The following SHISA6 variants were observed in gnomAD, a reference collection of about 807,000 sequenced individuals.
SHISA6 encodes the protein shisa family member 6, also known as protein shisa-6.
SHISA6 carries 22 observed loss-of-function variants against 47.9 expected under a neutral mutation model. The ratio of observed to expected loss-of-function variants is 0.46; its 90% CI spans 0.33 to 0.66. The LOEUF (loss-of-function observed/expected upper bound fraction) is 0.66, where lower values mean the gene tolerates loss of function less well. Ranked by LOEUF, SHISA6 falls within the 30% of genes least tolerant of loss-of-function variation. The pLI is 0.02. For missense variants in SHISA6, 680 were observed against 764.6 expected, an observed-to-expected ratio of 0.89 and a Z score of 1.30; for synonymous variants, 388 against 337.8, an observed-to-expected ratio of 1.15 and a Z score of -1.63.
Position 11,557,991 on chromosome 17 carries a change from C to A in SHISA6, c.1343C>A (p.Ser448Tyr). The change falls in exon 6 of 6, where the codon TCC becomes TAC. Residue 448 changes from serine to tyrosine, a missense_variant. Ser to Tyr is a moderately radical substitution (Grantham distance 144). Around this residue, in one of 2 missense-constraint regions of SHISA6, gnomAD observed 559 missense variants for 674.1 expected, o/e 0.83. Coordinates refer to ENST00000441885, the MANE Select transcript of SHISA6 (RefSeq NM_207386.4). ...DRILSDEQLLSTERLHSQDPL... is the reference protein window; with the variant it reads ...DRILSDEQLLYTERLHSQDPL... The stretch of plus-strand genomic sequence containing the variant: ...ATCCTGTCCGACGAGCAGCTGCTCT[C>A]CACGGAGCGCCTGCACTCCCAGGAC... The A allele has an allele frequency of 1.9e-6, 3 of 1,551,414 alleles. No homozygotes were observed. Among genetic ancestry groups the A allele is most frequent in the African/African-American group, 2.7e-5 (2 of 73,162 alleles).
intron 2 of SHISA6, among the ~76,000 whole-genome samples, chr17:11,276,435 A>G (rs1908894582): frequency 1.3e-5 from 2 of 152,162 alleles, no homozygotes; most frequent in Admixed American, 1.3e-4. Context: ...TATTTTTCTT[A>G]ACTTGTTATT....
chr17:11,473,246 G>C (rs924547090), intron 3 of SHISA6, among the ~76,000 whole-genome samples: 1 of 151,902 alleles, frequency 6.6e-6, no homozygotes. Context: ...GGTCATCTAG[G>C]TTTTCTCCTA....
rs1394681337 is a variant in SHISA6, at chr17:11,277,331, G to A, written c.799+13805G>A. Among the ~76,000 whole-genome samples the A allele has an allele frequency of 2.4e-4, 30 of 123,550 alleles. 1 individual carries two copies. The highest frequency in any genetic ancestry group is 1.8e-3 in the Admixed American group (21 of 11,506). 81.1% of individuals were successfully genotyped at this position (123,550 alleles called of 152,430 possible). A position where few individuals can be genotyped will look rare whatever the true frequency, so the allele number is the denominator to read the frequency against. The stretch of plus-strand genomic sequence containing the variant: ...ACACACACACACACCCCGCATGTAC[G>A]TATACAGACTTTCTTCTCCCAGAGA... On this transcript the variant is annotated intron_variant, in intron 2 of 5. Coordinates refer to ENST00000441885, the MANE Select transcript of SHISA6 (RefSeq NM_207386.4).
intron 2 of SHISA6, among the ~76,000 whole-genome samples, chr17:11,292,743 T>G (rs1909597112): frequency 6.6e-6 from 1 of 151,270 alleles, no homozygotes; most frequent in Admixed American, 6.6e-5. Context: ...TCCGGTGGGA[T>G]ACATAAACTT....
chr17:11,528,616 G>T (rs1350964987), intron 3 of SHISA6, among the ~76,000 whole-genome samples: 1 of 152,134 alleles, frequency 6.6e-6, no homozygotes. Context: ...CTGAGACACA[G>T]ACACTGGGTG....
chr17:11,541,748 T>C (rs1167082400), intron 3 of SHISA6, among the ~76,000 whole-genome samples: 1 of 152,178 alleles, frequency 6.6e-6, no homozygotes, highest in Admixed American at 6.5e-5. Context: ...GCCTTTAAGC[T>C]ACCCAGGGAG....
Position 11,551,750 on chromosome 17 carries a change from G to T in SHISA6, c.896-146G>T, listed in dbSNP as rs2071933633. The T allele has an allele frequency of 4.4e-6, 3 of 675,260 alleles. 1 individual carries two copies. The Admixed American group carries it at 8.1e-5, about 18-fold the overall frequency. The allele number at this position is 675,260 out of a possible 1,614,324, so 41.8% of individuals were successfully genotyped here. ...GAAACAGCAGGGGACGTTTCTTGGA[G>T]CCTCATACAATGACCTCTGCCTTTC... On this transcript the variant is annotated intron_variant, in intron 3 of 5. Transcript: ENST00000441885.
chr17:11,397,516 A>T (rs1173153335), intron 3 of SHISA6, among the ~76,000 whole-genome samples: 1 of 151,786 alleles, frequency 6.6e-6, no homozygotes, highest in Non-Finnish European at 1.5e-5. Flanking sequence ...TTGCTCAAGT[A>T]GGGCTTGTGG....
chr17:11,277,340 C>T (rs534980501), intron 2 of SHISA6, among the ~76,000 whole-genome samples: 1 of 149,200 alleles, frequency 6.7e-6, no homozygotes, highest in South Asian at 2.2e-4. Context: ...CGTATACAGA[C>T]TTTCTTCTCC....
At chr17:11,435,067 ATTAG>A (rs1368113351) in intron 3 of SHISA6, among the ~76,000 whole-genome samples, 1 of 152,106 alleles carries the variant, frequency 6.6e-6, no homozygotes, top group African/African-American at 2.4e-5. Context: ...TAATAATGGG[ATTAG>A]TGTCTTAAAA....
At chr17:11,301,251 G>A (rs1909917132) in intron 2 of SHISA6, among the ~76,000 whole-genome samples, 1 of 152,090 alleles carries the variant, frequency 6.6e-6, no homozygotes, top group Admixed American at 6.5e-5. Context: ...TCAAGTTGAA[G>A]TTGCACTGTT....
At chr17:11,397,596 G>A (rs182788663) in intron 3 of SHISA6, among the ~76,000 whole-genome samples, 23 of 151,970 alleles carry the variant, frequency 1.5e-4, no homozygotes, top group Admixed American at 1.4e-3. Flanking sequence ...AAGGCAATCT[G>A]CCTGGTTTTG....
intron 3 of SHISA6, among the ~76,000 whole-genome samples, chr17:11,523,439 G>A (rs1255616517): frequency 1.3e-5 from 2 of 152,166 alleles, no homozygotes; most frequent in African/African-American, 2.4e-5. Context: ...CTGTGAGCCA[G>A]GGAGATAGAT....
Position 11,558,626 on chromosome 17 carries a change from C to T in SHISA6, c.*322C>T. 2.6e-6 allele frequency: 1 copy of T among 390,536 alleles called. No homozygotes were observed. The highest frequency in any genetic ancestry group is 4.7e-6 in the Non-Finnish European group (1 of 211,836). The allele number at this position is 390,536 out of a possible 1,614,324, so 24.2% of individuals were successfully genotyped here. ...CTTTCCGTCCCGCGCCTCCTTCTCCCCATCCGGGGGACTCAGCTGCAGGTT... is the reference window on the plus strand; with the variant it reads ...CTTTCCGTCCCGCGCCTCCTTCTCCTCATCCGGGGGACTCAGCTGCAGGTT... On this transcript the variant is annotated 3_prime_UTR_variant, in exon 6 of 6. Transcript: ENST00000441885.
intron 3 of SHISA6, among the ~76,000 whole-genome samples, chr17:11,500,094 TGAGAA>T (rs2071439229): frequency 6.6e-6 from 1 of 151,910 alleles, no homozygotes; most frequent in Non-Finnish European, 1.5e-5. Context: ...AGGCCAGAGA[TGAGAA>T]AAGACATGGA....
intron 2 of SHISA6, among the ~76,000 whole-genome samples, chr17:11,364,385 G>A (rs1912379269): frequency 6.6e-6 from 1 of 152,050 alleles, no homozygotes; most frequent in African/African-American, 2.4e-5. Context: ...AAGAACTTTG[G>A]TCTTGGTCTT....
chr17:11,521,729 G>A (rs2071631520), intron 3 of SHISA6, among the ~76,000 whole-genome samples: 1 of 152,064 alleles, frequency 6.6e-6, no homozygotes, highest in African/African-American at 2.4e-5. Context: ...CTTGAACCCA[G>A]GAGTTCAAAA....
At chr17:11,498,120 C>G (rs1341465208) in intron 3 of SHISA6, among the ~76,000 whole-genome samples, 3 of 152,200 alleles carry the variant, frequency 2.0e-5, no homozygotes, top group African/African-American at 7.2e-5. Context: ...CTTCCTACCT[C>G]AATAGAATCC....
intron 2 of SHISA6, among the ~76,000 whole-genome samples, chr17:11,276,218 T>C (rs1479527521): frequency 6.6e-6 from 1 of 152,018 alleles, no homozygotes; most frequent in Non-Finnish European, 1.5e-5. Context: ...CCTCAAGTGA[T>C]CCGCCCGTCT....
Sources: gnomAD v4.1 joint callset for allele counts (sites outside exome capture counted in the v4.1 genomes callset) on GRCh38, gnomAD v4.1.1 for gene constraint, gnomAD v4.1.1 regional missense constraint, MANE v1.5 for transcripts, NCBI Gene and HGNC (gene_info 2026-07-23, HGNC 2026-07-21) for gene names.